The following CRACD variants were observed in gnomAD, a reference collection of about 807,000 sequenced individuals.
CRACD encodes capping protein inhibiting regulator of actin dynamics.
In CRACD, 56 loss-of-function variants were observed where a neutral mutation model predicts 106.8. The observed-to-expected ratio is 0.52, with a 90% CI of 0.42 to 0.66. The LOEUF is 0.66. CRACD is among the 30% of genes least tolerant of loss of function. The pLI is 0.00. For synonymous variants in CRACD, 754 were observed against 670.8 expected, an observed-to-expected ratio of 1.12 and a Z score of -1.92; for missense variants, 1,730 against 1,623.2, an observed-to-expected ratio of 1.07 and a Z score of -1.13.
intron 1 of CRACD, among the ~76,000 whole-genome samples, chr4:56,064,663 C>T (rs1732397724): frequency 6.6e-6 from 1 of 152,186 alleles, no homozygotes; most frequent in Admixed American, 6.5e-5. Context: ...TATCCTTAGG[C>T]TTCACCTATT....
chr4:56,190,513 T>C (rs1346358963), intron 2 of CRACD, among the ~76,000 whole-genome samples: 1 of 152,190 alleles, frequency 6.6e-6, no homozygotes, highest in African/African-American at 2.4e-5. Flanking sequence ...GGTTAAATAC[T>C]TTGGGCGATT....
intron 4 of CRACD, among the ~76,000 whole-genome samples, chr4:56,305,448 C>T (rs971775909): frequency 6.6e-6 from 1 of 152,140 alleles, no homozygotes; most frequent in Non-Finnish European, 1.5e-5. Flanking sequence ...TGAAATGGGC[C>T]TGTTACCTTG....
intron 1 of CRACD, among the ~76,000 whole-genome samples, chr4:56,152,330 T>C (rs2109892181): frequency 6.6e-6 from 1 of 152,134 alleles, no homozygotes; most frequent in African/African-American, 2.4e-5. Context: ...AATAGTTTTT[T>C]CTTTTTGTAA....
chr4:56,310,052 A>G (rs556403335), intron 5 of CRACD, among the ~76,000 whole-genome samples: 133 of 151,516 alleles, frequency 8.8e-4, no homozygotes, highest in African/African-American at 2.7e-3. Context: ...AGATACCACT[A>G]TAGGAGGCAT....
intron 1 of CRACD, among the ~76,000 whole-genome samples, chr4:56,092,479 G>A (rs1700546279): frequency 6.6e-6 from 1 of 152,110 alleles, no homozygotes; most frequent in Admixed American, 6.5e-5. Flanking sequence ...TTTAGTATGA[G>A]AAAAAGAATG....
At chr4:56,204,607 A>C (rs542517938) in intron 2 of CRACD, among the ~76,000 whole-genome samples, 2 of 152,238 alleles carry the variant, frequency 1.3e-5, no homozygotes, top group African/African-American at 4.8e-5. Flanking sequence ...GGCAATTTAA[A>C]CATGAGTTTT....
At chr4:56,321,635 T>C (rs1746115223) in intron 8 of CRACD, among the ~76,000 whole-genome samples, 1 of 152,214 alleles carries the variant, frequency 6.6e-6, no homozygotes, top group Admixed American at 6.5e-5. Flanking sequence ...AGAAACTTGT[T>C]AAGTTTCAGT....
intron 3 of CRACD, among the ~76,000 whole-genome samples, chr4:56,273,493 G>A (rs1742490088): frequency 6.6e-6 from 1 of 151,890 alleles, no homozygotes; most frequent in African/African-American, 2.4e-5. Context: ...GACAGTGTCA[G>A]GAACTCAGAA....
At chr4:56,059,548 G>A (rs568841658) in intron 1 of CRACD, among the ~76,000 whole-genome samples, 38 of 152,226 alleles carry the variant, frequency 2.5e-4, no homozygotes, top group African/African-American at 7.7e-4. Flanking sequence ...ATTTTCTCTC[G>A]TGTCAACCAA....
intron 1 of CRACD, among the ~76,000 whole-genome samples, chr4:56,070,490 G>A (rs1392243663): frequency 2.6e-5 from 4 of 151,944 alleles, no homozygotes; most frequent in Non-Finnish European, 4.4e-5. Context: ...TAGTAGAGAC[G>A]GGGTTTCACC....
At chr4:56,243,632 A>AT (rs1000625817) in intron 2 of CRACD, among the ~76,000 whole-genome samples, 77 of 152,058 alleles carry the variant, frequency 5.1e-4, no homozygotes, top group African/African-American at 1.7e-3. Context: ...TTCTTTTTTT[A>AT]TTTTTAATTT....
chr4:56,148,290 A>G (rs948835021), intron 1 of CRACD, among the ~76,000 whole-genome samples: 1 of 151,768 alleles, frequency 6.6e-6, no homozygotes, highest in Non-Finnish European at 1.5e-5. Flanking sequence ...TTTAAAAAAA[A>G]AAAAATTTAT....
At chr4:56,321,185 C>T (rs1414244114) in intron 8 of CRACD, 4 of 275,592 alleles carry the variant, frequency 1.5e-5, no homozygotes, top group Admixed American at 4.0e-5. Context: ...GGAGGATAAA[C>T]GGTTTTATTC....
chr4:56,091,964 C>T (rs1243849857), intron 1 of CRACD, among the ~76,000 whole-genome samples: 1 of 152,124 alleles, frequency 6.6e-6, no homozygotes, highest in Admixed American at 6.5e-5. Context: ...GGGAGACTCG[C>T]TTGAGGCCAG....
At chr4:56,228,126 C>T (rs1739409669) in intron 2 of CRACD, among the ~76,000 whole-genome samples, 1 of 152,134 alleles carries the variant, frequency 6.6e-6, no homozygotes, top group South Asian at 2.1e-4. Flanking sequence ...TGAAATTCTG[C>T]CTTTCCCCCT....
At chr4:56,226,544 T>G (rs771764799) in intron 2 of CRACD, among the ~76,000 whole-genome samples, 15 of 152,200 alleles carry the variant, frequency 9.9e-5, no homozygotes, top group Non-Finnish European at 2.1e-4. Flanking sequence ...AATTATGTTG[T>G]GTATGCTCTG....
intron 1 of CRACD, among the ~76,000 whole-genome samples, chr4:56,122,507 G>GC (rs1413798998): frequency 6.6e-6 from 1 of 152,080 alleles, no homozygotes; most frequent in Non-Finnish European, 1.5e-5. Context: ...TTCGAGTCTT[G>GC]TTTTTTGATT....
chr4:56,180,008 C>G (rs1736745626), intron 2 of CRACD, among the ~76,000 whole-genome samples: 1 of 151,228 alleles, frequency 6.6e-6, no homozygotes, highest in Non-Finnish European at 1.5e-5. Flanking sequence ...TAGAGCGAGA[C>G]TCTGTCTCAA....
At chr4:56,110,553 A>G (rs570763877) in intron 1 of CRACD, among the ~76,000 whole-genome samples, 87 of 152,292 alleles carry the variant, frequency 5.7e-4, no homozygotes, top group Middle Eastern at 3.4e-3. Context: ...CAAGGGCCAT[A>G]TCACCAAGAA....
Sources: gnomAD v4.1 joint callset for allele counts (sites outside exome capture counted in the v4.1 genomes callset) on GRCh38, gnomAD v4.1.1 for gene constraint, MANE v1.5 for transcripts, NCBI Gene and HGNC (gene_info 2026-07-23, HGNC 2026-07-21) for gene names.